Variants in SCAI observed in about 807,000 individuals in gnomAD.
SCAI encodes the protein protein SCAI.
SCAI carries 24 observed loss-of-function variants against 92.2 expected under a neutral mutation model. The observed-to-expected ratio is 0.26, with a 90% CI of 0.19 to 0.37. The LOEUF is 0.37. Among genes scored for constraint, SCAI ranks in the 10% least tolerant of loss-of-function variants. The pLI, the probability that SCAI is intolerant of heterozygous loss-of-function variation, is 1.00. For synonymous variants in SCAI, 261 were observed against 258.6 expected (o/e 1.01, Z -0.09); for missense variants, 450 against 736.2 (o/e 0.61, Z 4.50).
At chr9:125,083,786 T>C (rs895187246) in intron 2 of SCAI, among the ~76,000 whole-genome samples, 1 of 152,108 alleles carries the variant, frequency 6.6e-6, no homozygotes, top group African/African-American at 2.4e-5. Context: ...GAAAGAAATA[T>C]CTGCTTTCAC....
At chr9:124,972,881 T>A (rs1831687180) in intron 15 of SCAI, among the ~76,000 whole-genome samples, 1 of 152,196 alleles carries the variant, frequency 6.6e-6, no homozygotes, top group Non-Finnish European at 1.5e-5. Flanking sequence ...TCTCCCTATT[T>A]TCATCCATGC....
At chr9:124,971,066 C>T (rs866806231) in intron 17 of SCAI, among the ~76,000 whole-genome samples, 5 of 152,086 alleles carry the variant, frequency 3.3e-5, no homozygotes, top group African/African-American at 1.2e-4. Context: ...CCACCAGCTT[C>T]GACCTCCCAA....
chr9:125,023,524 T>G (rs561377743), intron 6 of SCAI, among the ~76,000 whole-genome samples: 1 of 152,324 alleles, frequency 6.6e-6, no homozygotes, highest in East Asian at 1.9e-4. Flanking sequence ...GATTAAAAAA[T>G]AGGTTCTATG....
intron 3 of SCAI, among the ~76,000 whole-genome samples, chr9:125,052,446 C>T (rs1266529547): frequency 2.0e-5 from 3 of 152,016 alleles, no homozygotes; most frequent in Non-Finnish European, 2.9e-5. Flanking sequence ...TGACAGGCAC[C>T]TGTAATCCCA....
At chr9:124,971,606 A>G (rs2131588304) in intron 16 of SCAI, 65 bp downstream of exon 16, 1 of 1,458,546 alleles carries the variant, frequency 6.9e-7, no homozygotes, top group East Asian at 2.3e-5. Context: ...ACAATTTAAA[A>G]TAAGTAACCA....
At chr9:124,998,500 G>A (rs149756461) in intron 13 of SCAI, among the ~76,000 whole-genome samples, 171 of 152,202 alleles carry the variant, frequency 1.1e-3, no homozygotes, top group African/African-American at 3.9e-3. Context: ...GTAGGGGAAC[G>A]GGGAACGGAG....
At chr9:125,127,740 G>C (rs1402878730) in intron 2 of SCAI, among the ~76,000 whole-genome samples, 2 of 152,268 alleles carry the variant, frequency 1.3e-5, no homozygotes, top group East Asian at 3.9e-4. Context: ...GAACGAGGTG[G>C]CACACGCCTG....
chr9:125,049,747 C>T (rs547947090), intron 3 of SCAI, among the ~76,000 whole-genome samples: 5 of 152,014 alleles, frequency 3.3e-5, no homozygotes, highest in Admixed American at 2.6e-4. Context: ...CACCTCCAAG[C>T]GTAAAAAGAG....
Position 124,951,911 on chromosome 9 carries a change from A to G in SCAI, c.*896T>C, listed in dbSNP as rs1243660930. 6.6e-6 allele frequency: 1 copy of G among 152,244 alleles called. No individual in the cohort carries two copies. The highest frequency in any genetic ancestry group is 2.4e-5 in the African/African-American group (1 of 41,466). 9.4% of individuals were successfully genotyped at this position (152,244 alleles called of 1,614,324 possible). On this transcript the variant is annotated 3_prime_UTR_variant, in exon 18 of 18. Coordinates refer to ENST00000336505, the MANE Select transcript of SCAI (RefSeq NM_001144877.3). ...TCATAACACCCAGTTACCCCTTACC[A>G]AAATTTAAAACATCTATGACTTTGA...
intron 2 of SCAI, among the ~76,000 whole-genome samples, chr9:125,126,567 G>GGTGTGT (rs748121151): frequency 0.014 from 1,822 of 128,542 alleles, 82 homozygotes; most frequent in Admixed American, 0.087. Flanking sequence ...GGTGGGTGTG[G>GGTGTGT]GTGTGTGTGT....
At chr9:125,131,271 G>C (rs553461945) in intron 2 of SCAI, among the ~76,000 whole-genome samples, 2 of 151,926 alleles carry the variant, frequency 1.3e-5, no homozygotes, top group East Asian at 3.9e-4. Flanking sequence ...AGCCAGGCAT[G>C]ATGGGAGATA....
chr9:125,118,599 T>C (rs2131245159), intron 2 of SCAI, among the ~76,000 whole-genome samples: 1 of 152,258 alleles, frequency 6.6e-6, no homozygotes, highest in South Asian at 2.1e-4. Flanking sequence ...GTTACACAGG[T>C]ATACATGTTC....
chr9:124,957,696 T>A (rs564491848), intron 17 of SCAI, among the ~76,000 whole-genome samples: 96 of 138,368 alleles, frequency 6.9e-4, no homozygotes, highest in African/African-American at 1.6e-3. Flanking sequence ...TTTTTTTTTT[T>A]AAAAAGACGG....
At chr9:125,134,744 T>C (rs1835482846) in intron 2 of SCAI, among the ~76,000 whole-genome samples, 1 of 152,244 alleles carries the variant, frequency 6.6e-6, no homozygotes, top group African/African-American at 2.4e-5. Flanking sequence ...TGGCACGATC[T>C]CGGCTCTCTG....
At chr9:125,125,178 G>A (rs1299096067) in intron 2 of SCAI, among the ~76,000 whole-genome samples, 1 of 152,040 alleles carries the variant, frequency 6.6e-6, no homozygotes, top group African/African-American at 2.4e-5. Context: ...CTGAGATGGC[G>A]CCACTGCACT....
intron 9 of SCAI, 48 bp downstream of exon 9, chr9:125,018,751 C>T (rs1246993235): frequency 3.4e-6 from 5 of 1,489,168 alleles, no homozygotes; most frequent in Middle Eastern, 1.7e-4. Context: ...ATCAATAGCA[C>T]TATTTTTCAC....
At chr9:125,143,354 C>G (rs1175915140) in intron 1 of SCAI, 31 bp downstream of exon 1, 1 of 1,305,018 alleles carries the variant, frequency 7.7e-7, no homozygotes, top group Non-Finnish European at 9.8e-7. Flanking sequence ...CCACCCCATC[C>G]CCAACCCCGG....
intron 14 of SCAI, among the ~76,000 whole-genome samples, chr9:124,993,796 T>C (rs150516443): frequency 1.2e-3 from 181 of 152,252 alleles, no homozygotes; most frequent in African/African-American, 4.1e-3. Context: ...GACATTTTCA[T>C]TGGTTTCCTG....
intron 3 of SCAI, among the ~76,000 whole-genome samples, chr9:125,038,561 T>C (rs1480029596): frequency 6.6e-6 from 1 of 152,236 alleles, no homozygotes; most frequent in Non-Finnish European, 1.5e-5. Flanking sequence ...CCAAATGCTG[T>C]AAAATGTTTT....
Sources: allele counts gnomAD v4.1 joint callset (sites outside exome capture counted in the v4.1 genomes callset), GRCh38; gene constraint gnomAD v4.1.1; transcripts MANE v1.5; gene names NCBI Gene and HGNC (gene_info 2026-07-23, HGNC 2026-07-21).